Variants in TAOK3 observed in about 807,000 individuals in gnomAD.
TAOK3 encodes serine/threonine-protein kinase TAO3.
In TAOK3, 40 loss-of-function variants were observed where a neutral mutation model predicts 120.4. The ratio of observed to expected loss-of-function variants is 0.33; its 90% CI spans 0.26 to 0.43. TAOK3 has a LOEUF of 0.43. TAOK3 is among the 20% of genes least tolerant of loss of function. The probability of loss-of-function intolerance (pLI) is 1.00; values close to 1 mark genes in which losing one functional copy is unlikely to be tolerated. For missense variants in TAOK3, 821 were observed against 1,112.1 expected (o/e 0.74, Z 3.72); for synonymous variants, 355 against 387.5 (o/e 0.92, Z 0.99).
At chr12:118,339,800 C>T (rs1173803810) in intron 1 of TAOK3, among the ~76,000 whole-genome samples, 1 of 152,070 alleles carries the variant, frequency 6.6e-6, no homozygotes, top group Non-Finnish European at 1.5e-5. Flanking sequence ...TCCCAAAGCG[C>T]TGGGATTACA....
intron 3 of TAOK3, among the ~76,000 whole-genome samples, chr12:118,247,228 A>G (rs1356051502): frequency 6.6e-6 from 1 of 152,168 alleles, no homozygotes; most frequent in Non-Finnish European, 1.5e-5. Context: ...AGAAAGTAAG[A>G]TTAATCCTAA....
Position 118,214,037 on chromosome 12 carries a change from T to C in TAOK3, c.717A>G (p.Pro239=). The change falls in exon 10 of 21, where the codon CCA becomes CCG. Residue 239 remains proline (P), a synonymous_variant. Transcript: ENST00000392533. ...CTTACCATTCATTAGACTGTAACGT[T>C]GGGGAGTCATTCTGGGCAATGTGAT... The part of the protein sequence containing the change: ...ALYHIAQNDS[P]TLQSNEWTDS... 6.2e-7 allele frequency: 1 copy of C among 1,611,598 alleles called. No homozygotes were observed. Among genetic ancestry groups the C allele is most frequent in the Non-Finnish European group, 8.5e-7 (1 of 1,179,066 alleles).
At chr12:118,274,139 CA>C (rs1171011588) in intron 1 of TAOK3, among the ~76,000 whole-genome samples, 10 of 147,116 alleles carry the variant, frequency 6.8e-5, no homozygotes, top group Admixed American at 2.0e-4. Flanking sequence ...ACCAAAAAAA[CA>C]AAAAAAAAAC....
chr12:118,155,099 G>A (rs188486766), intron 19 of TAOK3, among the ~76,000 whole-genome samples: 1 of 152,116 alleles, frequency 6.6e-6, no homozygotes, highest in Non-Finnish European at 1.5e-5. Context: ...TGGTTGAAGC[G>A]ATTCTCCTGC....
At chr12:118,187,494 AG>A (rs2139019884) in intron 14 of TAOK3, among the ~76,000 whole-genome samples, 1 of 152,342 alleles carries the variant, frequency 6.6e-6, no homozygotes, top group East Asian at 1.9e-4. Context: ...TATAGTGGGT[AG>A]AATTGTAGTA....
At chr12:118,207,099 G>A (rs2038361605) in intron 11 of TAOK3, among the ~76,000 whole-genome samples, 1 of 152,080 alleles carries the variant, frequency 6.6e-6, no homozygotes. Flanking sequence ...GGCCGAGGAG[G>A]GTGGATCATC....
At chr12:118,351,638 C>G (rs778397581) in intron 1 of TAOK3, among the ~76,000 whole-genome samples, 3 of 151,904 alleles carry the variant, frequency 2.0e-5, no homozygotes, top group Admixed American at 2.0e-4. Flanking sequence ...GATAAGAGAC[C>G]GATTATAACA....
At chr12:118,265,820 T>TAA (rs932407246) in intron 2 of TAOK3, among the ~76,000 whole-genome samples, 29 of 152,346 alleles carry the variant, frequency 1.9e-4, no homozygotes, top group African/African-American at 6.7e-4. Context: ...CTGGGAAACG[T>TAA]GACTTCTTTG....
In TAOK3 at chr12:118,172,649, CTCAT is replaced by C. The variant is rs1458012782; in HGVS notation, c.1703_1706del (p.Asn568ArgfsTer51). ...TCTCTTTCTTGGGTGTGCTATGGTC[CTCAT>C]TCATTTCCTAAAAAGAACAGACAAA... On this transcript the variant is annotated frameshift_variant, in exon 17 of 21. Coordinates refer to ENST00000392533, the MANE Select transcript of TAOK3 (RefSeq NM_016281.4). LOFTEE classifies it high-confidence loss of function. The C allele has an allele frequency of 6.2e-7, 1 of 1,614,080 alleles. No homozygotes were observed. Among genetic ancestry groups the C allele is most frequent in the Non-Finnish European group, 8.5e-7 (1 of 1,179,986 alleles).
At chr12:118,354,346 C>T (rs1300371572) in intron 1 of TAOK3, among the ~76,000 whole-genome samples, 3 of 152,096 alleles carry the variant, frequency 2.0e-5, no homozygotes, top group South Asian at 2.1e-4. Flanking sequence ...TACTAAGTGA[C>T]GAATAGGCAC....
intron 4 of TAOK3, among the ~76,000 whole-genome samples, chr12:118,244,089 T>C (rs79792397): frequency 0.013 from 1,989 of 152,328 alleles, 44 homozygotes; most frequent in African/African-American, 0.044. Flanking sequence ...AATAGTTTTT[T>C]TCCTTTTCAG....
intron 1 of TAOK3, among the ~76,000 whole-genome samples, chr12:118,311,277 A>G (rs1286758351): frequency 6.6e-6 from 1 of 152,186 alleles, no homozygotes; most frequent in Non-Finnish European, 1.5e-5. Flanking sequence ...CCTAACAAAC[A>G]TGGTGAAACC....
At chr12:118,253,135 T>G (rs1004345324) in intron 3 of TAOK3, among the ~76,000 whole-genome samples, 2 of 152,162 alleles carry the variant, frequency 1.3e-5, no homozygotes, top group Non-Finnish European at 2.9e-5. Flanking sequence ...GAAGTAATGG[T>G]AGGGCTGAGC....
At chr12:118,313,396 C>G (rs2043333964) in intron 1 of TAOK3, among the ~76,000 whole-genome samples, 1 of 152,148 alleles carries the variant, frequency 6.6e-6, no homozygotes, top group Non-Finnish European at 1.5e-5. Context: ...CCTGCCTCAG[C>G]CTCCCAAGTA....
intron 1 of TAOK3, among the ~76,000 whole-genome samples, chr12:118,365,900 G>A (rs978136210): frequency 5.9e-5 from 9 of 152,072 alleles, no homozygotes; most frequent in African/African-American, 2.2e-4. Context: ...GTATGTATAC[G>A]GTTTGAAAGT....
chr12:118,238,297 A>ATCT lies in TAOK3; in HGVS notation c.341-131_341-129dup. 4 of 522,414 alleles carry ATCT rather than the reference A, an allele frequency of 7.7e-6. 1 individual carries two copies. In the South Asian group the frequency reaches 1.2e-4, roughly 15 times the overall value. 32.4% of individuals were successfully genotyped at this position (522,414 alleles called of 1,614,324 possible). ...ACAATTTGGGAACACATTCACCTAGATCTTCTATAGAAGATAATAAGTGAT... is the reference window on the plus strand; with the variant it reads ...ACAATTTGGGAACACATTCACCTAGATCTTCTTCTATAGAAGATAATAAGTGAT... On this transcript the variant is annotated intron_variant, in intron 6 of 20. Transcript: ENST00000392533.
chr12:118,301,591 A>G (rs1285898456), intron 1 of TAOK3, among the ~76,000 whole-genome samples: 1 of 152,130 alleles, frequency 6.6e-6, no homozygotes, highest in African/African-American at 2.4e-5. Flanking sequence ...CACTCCTATA[A>G]TCCCAGTCCT....
At position 118,175,941 on chromosome 12, in the gene TAOK3, G is replaced by A. The variant is rs112077973; in HGVS notation, c.1695+1260C>T. 3.6e-3 allele frequency among the ~76,000 whole-genome samples: 553 copies of A among 152,288 alleles called. 3 individuals are homozygous for A. Among genetic ancestry groups the A allele is most frequent in the African/African-American group, 0.012 (514 of 41,552 alleles). The stretch of plus-strand genomic sequence containing the variant: ...CATTTACCAAATATTCATGTGTACA[G>A]GGCACAGGGATACAGTTGTGAGCAA... On this transcript the variant is annotated intron_variant, in intron 16 of 20. Transcript: ENST00000392533.
rs374425223 is a variant in TAOK3, at chr12:118,189,515, T to C, written c.1329+292A>G. Among the ~76,000 whole-genome samples, 194 of 139,036 alleles carry C rather than the reference T, an allele frequency of 1.4e-3. 1 individual carries two copies. Among genetic ancestry groups the C allele is most frequent in the African/African-American group, 5.0e-3 (183 of 36,912 alleles). The allele number at this position is 139,036 out of a possible 152,430, so 91.2% of individuals were successfully genotyped here. On this transcript the variant is annotated intron_variant, in intron 14 of 20. Transcript: ENST00000392533. The stretch of plus-strand genomic sequence containing the variant: ...CCTTATATTTTGCACATACAGCATA[T>C]ACAAACACACACAGACACAGACACA...
Sources: allele counts gnomAD v4.1 joint callset (sites outside exome capture counted in the v4.1 genomes callset), GRCh38; gene constraint gnomAD v4.1.1; transcripts MANE v1.5; gene names NCBI Gene and HGNC (gene_info 2026-07-23, HGNC 2026-07-21).